The following AP5Z1 variants were observed in gnomAD, a reference collection of about 807,000 sequenced individuals.
The protein encoded by AP5Z1 is adaptor related protein complex 5 subunit zeta 1.
AP5Z1 carries 106 observed loss-of-function variants against 83.0 expected under a neutral mutation model. The ratio of observed to expected loss-of-function variants is 1.28; its 90% confidence interval spans 1.09 to 1.50. The LOEUF (loss-of-function observed/expected upper bound fraction) is 1.50. Ranked by LOEUF, AP5Z1 falls within the 40% of genes most tolerant of loss-of-function variation. The probability of loss-of-function intolerance (pLI) is 0.00; values close to 1 mark genes in which losing one functional copy is unlikely to be tolerated. For missense variants in AP5Z1, 1,565 were observed against 1,094.2 expected (o/e 1.43, Z -6.07); for synonymous variants, 751 against 514.1 (o/e 1.46, Z -6.23).
Position 4,791,130 on chromosome 7 carries a change from G to A in AP5Z1, c.2169G>A (p.Leu723=), listed in dbSNP as rs367835948. 6.2e-7 allele frequency: 1 copy of A among 1,601,578 alleles called. No homozygotes were observed. Among genetic ancestry groups the A allele is most frequent in the South Asian group, 1.1e-5 (1 of 89,744 alleles). ...CTTTCCCCAGGGCCTCTTTATTGCT[G>A]TCAAAGATGAGGACCCTGGCTCACA... ...QDLIPRASLL[L]SKMRTLAHSP... Residue 723 remains leucine, a synonymous_variant, in exon 17 of 17, where the codon CTG becomes CTA. Transcript: ENST00000649063.
intron 14 of AP5Z1, chr7:4,790,257 G>T: frequency 6.5e-7 from 1 of 1,545,216 alleles, no homozygotes; most frequent in Admixed American, 1.9e-5. Flanking sequence ...CTGAGCCTGG[G>T]CCTGAGGCCA....
Position 4,791,638 on chromosome 7 carries a change from A to G in AP5Z1, c.*253A>G. On this transcript the variant is annotated 3_prime_UTR_variant, in exon 17 of 17. Coordinates refer to ENST00000649063, the MANE Select transcript of AP5Z1 (RefSeq NM_014855.3). ...GGTGCCATGGAGCGGCTCTGATTGG[A>G]GGCTTGAGGCCCTGTGGCTGGGTCG... is the stretch of plus-strand genomic sequence containing the variant. 2 of 547,330 alleles carry G rather than the reference A, an allele frequency of 3.7e-6. No individual in the cohort carries two copies. The highest frequency in any genetic ancestry group is 3.1e-6 in the Non-Finnish European group (1 of 317,768). The allele number at this position is 547,330 out of a possible 1,614,324, so 33.9% of individuals were successfully genotyped here. A position where few individuals can be genotyped will look rare whatever the true frequency, so the allele number is the denominator to read the frequency against.
chr7:4,790,074 ACAGCCCCACACC>A (rs988709168), intron 14 of AP5Z1, 145 bp downstream of exon 14: 117 of 1,067,908 alleles, frequency 1.1e-4, no homozygotes, highest in East Asian at 1.1e-3. Flanking sequence ...ACCCCCACCC[ACAGCCCCACACC>A]CAGCCCCAGG....
chr7:4,787,087 T>C (rs1317410551), intron 10 of AP5Z1, among the ~76,000 whole-genome samples: 1 of 152,074 alleles, frequency 6.6e-6, no homozygotes, highest in Non-Finnish European at 1.5e-5. Flanking sequence ...CCATTTGCTT[T>C]TGAAGTGTCT....
rs1025633231 is a variant in AP5Z1, at chr7:4,781,298, G to A, written c.165G>A (p.Thr55=). Residue 55 remains threonine, a synonymous_variant, in exon 2 of 17, where the codon ACG becomes ACA. Transcript: ENST00000649063. ...GGCTCTTCCTCATCATCTCAGCCAC[G>A]AAGTACAGCCGGAGGTGAGTGTGGC... The part of the protein sequence containing the change: ...LQRLFLIISA[T]KYSRRLEKTC... The A allele has an allele frequency of 6.2e-6, 10 of 1,613,530 alleles. No individual in the cohort carries two copies. Among genetic ancestry groups the A allele is most frequent in the East Asian group, 2.2e-5 (1 of 44,884 alleles).
At position 4,776,261 on chromosome 7, in the gene AP5Z1, T is replaced by C. The variant is rs558994499; in HGVS notation, c.41+505T>C. Among the ~76,000 whole-genome samples the C allele has an allele frequency of 9.2e-5, 14 of 151,480 alleles. No homozygotes were observed. In the East Asian group the frequency reaches 2.3e-3, roughly 25 times the overall value. ...CGGATGTATTAGCTAGGCTGAGAAATCACCCTCCAGGCTGGTTTCAGGCTG... is the reference window on the plus strand; with the variant it reads ...CGGATGTATTAGCTAGGCTGAGAAACCACCCTCCAGGCTGGTTTCAGGCTG... On this transcript the variant is annotated intron_variant, in intron 1 of 16. Transcript: ENST00000649063.
rs1044490679 is a variant in AP5Z1 at position 4,791,156 on chromosome 7, G to A, written c.2195G>A (p.Ser732Asn). ...TCAAAGATGAGGACCCTGGCTCACA[G>A]TCCAGCCACCAGCTCCACGCACAGC... The part of the protein sequence containing the change: ...LLSKMRTLAH[S>N]PATSSTHSEE... Residue 732 changes from serine (S) to asparagine (N), a missense_variant, in exon 17 of 17, where the codon AGT (serine) becomes AAT (asparagine). Transcript: ENST00000649063. 2 of 1,609,892 alleles carry A rather than the reference G, an allele frequency of 1.2e-6. No individual in the cohort carries two copies. Among genetic ancestry groups the A allele is most frequent in the Non-Finnish European group, 8.5e-7 (1 of 1,178,482 alleles).
In AP5Z1 at chr7:4,791,557, C is replaced by T. The variant is rs1781775723; in HGVS notation, c.*172C>T. ...CGCGGGGCTGGCCCCCCTGCTCACC[C>T]TCTGGGCTTTGTCTCCGAGCCTTTT... On this transcript the variant is annotated 3_prime_UTR_variant, in exon 17 of 17. Transcript: ENST00000649063. 2 of 993,708 alleles carry T rather than the reference C, an allele frequency of 2.0e-6. No homozygotes were observed. The highest frequency in any genetic ancestry group is 1.8e-5 in the South Asian group (1 of 57,054). 61.6% of individuals were successfully genotyped at this position (993,708 alleles called of 1,614,324 possible). A position where few individuals can be genotyped will look rare whatever the true frequency, so the allele number is the denominator to read the frequency against.
chr7:4,779,237 CATA>C (rs1327810206), intron 1 of AP5Z1, among the ~76,000 whole-genome samples: 1 of 145,508 alleles, frequency 6.9e-6, no homozygotes, highest in Non-Finnish European at 1.5e-5. Context: ...TTAGATATAA[CATA>C]TATAACATTA....
At position 4,793,338 on chromosome 7, in the gene AP5Z1, TAAGTGA is replaced by T. The variant is rs1781846592; in HGVS notation, c.*1960_*1965del. Reference sequence around the variant, plus strand: ...GATAAACCTTAGAAACATTATATGCTAAGTGAAAGTGAGAAGTGACAGCCTGCTGGC... The same window carrying T: ...GATAAACCTTAGAAACATTATATGCTAAGTGAGAAGTGACAGCCTGCTGGC... On this transcript the variant is annotated 3_prime_UTR_variant, in exon 17 of 17. Transcript: ENST00000649063. The T allele has an allele frequency of 1.3e-5, 2 of 152,294 alleles. No homozygotes were observed. Among genetic ancestry groups the T allele is most frequent in the African/African-American group, 4.8e-5 (2 of 41,472 alleles). 9.4% of individuals were successfully genotyped at this position (152,294 alleles called of 1,614,324 possible). A position where few individuals can be genotyped will look rare whatever the true frequency, so the allele number is the denominator to read the frequency against.
intron 14 of AP5Z1, chr7:4,790,209 C>A: frequency 6.5e-7 from 1 of 1,550,060 alleles, no homozygotes; most frequent in Non-Finnish European, 8.7e-7. Flanking sequence ...TCCTTCTCTC[C>A]AAAGGCCTGA....
rs1781761882 is a variant in AP5Z1 at position 4,791,243 on chromosome 7, C to T, written c.2282C>T (p.Pro761Leu). The T allele has an allele frequency of 6.2e-7, 1 of 1,612,772 alleles. No homozygotes were observed. The change falls in exon 17 of 17, where the codon CCT becomes CTT. Residue 761 changes from proline to leucine, a missense_variant. Pro to Leu is a moderately conservative substitution (Grantham distance 98, BLOSUM62 -3). Coordinates refer to ENST00000649063, the MANE Select transcript of AP5Z1 (RefSeq NM_014855.3). ...ATELLTLLKMPSVAQFVLTPS... is the reference protein window; with the variant it reads ...ATELLTLLKMLSVAQFVLTPS... ...GAGCTGCTGACCCTGCTGAAGATGC[C>T]TAGCGTGGCCCAGTTTGTGCTCACA... is the stretch of plus-strand genomic sequence containing the variant.
intron 12 of AP5Z1, 144 bp from the exon 13 acceptor site, chr7:4,788,696 C>T: frequency 2.8e-6 from 2 of 711,422 alleles, no homozygotes; most frequent in South Asian, 2.1e-5. Flanking sequence ...TCCCCAAACC[C>T]AGGGGAGCAG....
At chr7:4,788,638 C>T (rs1037695706) in intron 12 of AP5Z1, 3 of 540,444 alleles carry the variant, frequency 5.6e-6, no homozygotes, top group African/African-American at 3.9e-5. Context: ...CCACGCCAGC[C>T]TTTGTCCCGA....
chr7:4,781,145 C>G lies in AP5Z1; in HGVS notation c.42-30C>G, dbSNP rs1781370061. On this transcript the variant is annotated intron_variant, in intron 1 of 16. Coordinates refer to ENST00000649063, the MANE Select transcript of AP5Z1 (RefSeq NM_014855.3). ...TTTTGGTTCCGAGCAGCGAGTGCTT[C>G]TGGGTCCTGAAGTCCTCTTCTTTGT... 1.9e-6 allele frequency: 3 copies of G among 1,606,548 alleles called. No homozygotes were observed. In the African/African-American group the frequency reaches 4.0e-5, roughly 21 times the overall value.
Position 4,784,892 on chromosome 7 carries a change from T to C in AP5Z1, c.791-16T>C. On this transcript the variant is annotated splice_polypyrimidine_tract_variant and intron_variant, in intron 6 of 16. Transcript: ENST00000649063. The stretch of plus-strand genomic sequence containing the variant: ...GAGCCACACGTCAGCCTGCTGAGAG[T>C]TCCCACCTCCCGCAGATGACAGGTC... 1.2e-6 allele frequency: 2 copies of C among 1,603,840 alleles called. No homozygotes were observed. The highest frequency in any genetic ancestry group is 1.7e-6 in the Non-Finnish European group (2 of 1,173,704).
At position 4,792,726 on chromosome 7, in the gene AP5Z1, G is replaced by C. The variant is rs753403152; in HGVS notation, c.*1341G>C. On this transcript the variant is annotated 3_prime_UTR_variant, in exon 17 of 17. Coordinates refer to ENST00000649063, the MANE Select transcript of AP5Z1 (RefSeq NM_014855.3). Reference sequence around the variant, plus strand: ...AAGGCTGGCGCTGGCAGGCGCTTCCGTCGGCAGCACTGTGTTTGTGTTTCC... The same window carrying C: ...AAGGCTGGCGCTGGCAGGCGCTTCCCTCGGCAGCACTGTGTTTGTGTTTCC... 2 of 152,244 alleles carry C rather than the reference G, an allele frequency of 1.3e-5. No homozygotes were observed. Among genetic ancestry groups the C allele is most frequent in the Non-Finnish European group, 2.9e-5 (2 of 68,046 alleles). The allele number at this position is 152,244 out of a possible 1,614,324, so 9.4% of individuals were successfully genotyped here.
intron 13 of AP5Z1, among the ~76,000 whole-genome samples, chr7:4,789,375 C>G (rs1020269873): frequency 6.6e-6 from 1 of 152,144 alleles, no homozygotes; most frequent in Non-Finnish European, 1.5e-5. Context: ...CCCCCTGCTG[C>G]CCCTGATAAT....
At position 4,785,626 on chromosome 7, in the gene AP5Z1, C is replaced by G. The variant is rs774452213; in HGVS notation, c.1074C>G (p.Arg358=). 24 of 1,573,908 alleles carry G rather than the reference C, an allele frequency of 1.5e-5. 1 individual carries two copies. In the South Asian group the frequency reaches 2.8e-4, roughly 18 times the overall value. The change falls in exon 9 of 17, where the codon CGC becomes CGG. Residue 358 remains arginine, a synonymous_variant. Transcript: ENST00000649063. ...TGAAGGCCCTGCACGGGCGGGTGCG[C>G]GGGGACCCGGCCTCTGTGCGGGTGC... ...SCLKALHGRV[R]GDPASVRVLL...
Sources: gnomAD v4.1 joint callset for allele counts (sites outside exome capture counted in the v4.1 genomes callset) on GRCh38, gnomAD v4.1.1 for gene constraint, MANE v1.5 for transcripts, NCBI Gene and HGNC (gene_info 2026-07-23, HGNC 2026-07-21) for gene names.